The following COL11A1 variants were observed in gnomAD, a reference collection of about 807,000 sequenced individuals.
COL11A1 encodes the protein collagen type XI alpha 1 chain, also known as collagen alpha-1(XI) chain.
Under a neutral mutation model 265.2 loss-of-function variants are expected in COL11A1, and 74 were observed. The observed-to-expected ratio is 0.28, with a 90% CI of 0.23 to 0.34. The LOEUF is 0.34. Ranked by LOEUF, COL11A1 falls within the 10% of genes least tolerant of loss-of-function variation. COL11A1 has a pLI of 1.00. For missense variants in COL11A1, 2,165 were observed against 2,263.6 expected (o/e 0.96, Z 0.88); for synonymous variants, 816 against 727.6 (o/e 1.12, Z -1.96).
intron 4 of COL11A1, among the ~76,000 whole-genome samples, chr1:103,046,503 T>C (rs1274786332): frequency 6.6e-6 from 1 of 151,866 alleles, no homozygotes; most frequent in Non-Finnish European, 1.5e-5. Flanking sequence ...TTCTGGATAT[T>C]AGCCCTTTGT....
intron 30 of COL11A1, among the ~76,000 whole-genome samples, chr1:102,986,319 A>T (rs1256349869): frequency 6.6e-6 from 1 of 150,426 alleles, no homozygotes; most frequent in African/African-American, 2.4e-5. Context: ...AAGGACAAAA[A>T]ACCAAGCACC....
At chr1:103,053,625 A>C (rs1461825595) in intron 4 of COL11A1, among the ~76,000 whole-genome samples, 2 of 152,214 alleles carry the variant, frequency 1.3e-5, no homozygotes, top group Non-Finnish European at 2.9e-5. Flanking sequence ...TGCGCTTTTG[A>C]GTCTTGGCTA....
intron 1 of COL11A1, among the ~76,000 whole-genome samples, chr1:103,105,215 A>C (rs1292653483): frequency 1.3e-5 from 2 of 152,106 alleles, no homozygotes; most frequent in African/African-American, 2.4e-5. Context: ...TGTGAATAGT[A>C]AGTAATGGAC....
chr1:103,097,856 A>C (rs1558053719), intron 1 of COL11A1, among the ~76,000 whole-genome samples: 1 of 151,970 alleles, frequency 6.6e-6, no homozygotes. Context: ...ACAGCACTTA[A>C]CACAGTGATT....
intron 1 of COL11A1, 25 bp downstream of exon 1, chr1:103,108,048 C>G: frequency 6.3e-7 from 1 of 1,584,670 alleles, no homozygotes; most frequent in Non-Finnish European, 8.7e-7. Flanking sequence ...CAATCTCCCA[C>G]CTCCCCAAAT....
chr1:102,991,673 A>G (rs12756627), intron 28 of COL11A1, among the ~76,000 whole-genome samples: 3,676 of 152,274 alleles, frequency 0.024, 62 homozygotes, highest in Middle Eastern at 0.092. Flanking sequence ...AGTAACCACA[A>G]TGTTCAATAA....
chr1:103,001,371 G>A, intron 24 of COL11A1: 3 of 396,586 alleles, frequency 7.6e-6, no homozygotes, highest in East Asian at 3.6e-5. Flanking sequence ...ATAGAAATGT[G>A]CTATGACTAC....
At chr1:103,063,453 A>G (rs12723432) in intron 4 of COL11A1, among the ~76,000 whole-genome samples, 5,744 of 152,266 alleles carry the variant, frequency 0.038, 126 homozygotes, top group Middle Eastern at 0.092. Flanking sequence ...GGAGCAAATG[A>G]AATACAATGG....
In COL11A1 at chr1:102,928,004, CT is replaced by C. The variant is rs1342861757; in HGVS notation, c.3601-4616del. Among the ~76,000 whole-genome samples the C allele has an allele frequency of 2.6e-5, 4 of 152,202 alleles. No homozygotes were observed. In the East Asian group the frequency reaches 7.8e-4, roughly 30 times the overall value. Reference sequence around the variant, plus strand: ...AGCGAAAGTGTCTCCAGATCCGCCCCTGTCTGCCTGGGACTTCGTGTTCCTC... The same window carrying C: ...AGCGAAAGTGTCTCCAGATCCGCCCCGTCTGCCTGGGACTTCGTGTTCCTC... On this transcript the variant is annotated intron_variant, in intron 46 of 66. Coordinates refer to ENST00000370096, the MANE Select transcript of COL11A1 (RefSeq NM_001854.4).
At chr1:102,888,148 C>G (rs1651241655) in intron 62 of COL11A1, among the ~76,000 whole-genome samples, 1 of 152,048 alleles carries the variant, frequency 6.6e-6, no homozygotes, top group African/African-American at 2.4e-5. Context: ...TATGTGAAGC[C>G]TAGAACATTT....
intron 49 of COL11A1, among the ~76,000 whole-genome samples, chr1:102,918,604 C>A (rs68056750): frequency 1.7e-5 from 2 of 119,656 alleles, no homozygotes; most frequent in Admixed American, 8.7e-5. Context: ...AACAAACAAA[C>A]AAAAAAATGA....
chr1:103,080,512 T>A (rs780352004), intron 2 of COL11A1, among the ~76,000 whole-genome samples: 17 of 151,738 alleles, frequency 1.1e-4, no homozygotes, highest in Admixed American at 2.0e-4. Context: ...GGACAAGATG[T>A]CTGAATAAAC....
At chr1:103,106,913 G>T (rs926300534) in intron 1 of COL11A1, among the ~76,000 whole-genome samples, 1 of 152,070 alleles carries the variant, frequency 6.6e-6, no homozygotes, top group Non-Finnish European at 1.5e-5. Flanking sequence ...ACGCATTTGG[G>T]CTTGACCATT....
At chr1:103,078,626 T>G (rs748024811) in intron 3 of COL11A1, 32 bp downstream of exon 3, 1 of 1,582,082 alleles carries the variant, frequency 6.3e-7, no homozygotes. Flanking sequence ...GATTTTGGCA[T>G]AGCTAAAACA....
intron 2 of COL11A1, among the ~76,000 whole-genome samples, chr1:103,080,254 T>C (rs1167419821): frequency 6.6e-6 from 1 of 151,862 alleles, no homozygotes; most frequent in Non-Finnish European, 1.5e-5. Context: ...CAGTACAGTA[T>C]CTCAATTGAA....
chr1:103,031,732 T>G (rs1267634044), intron 4 of COL11A1, among the ~76,000 whole-genome samples: 1 of 151,936 alleles, frequency 6.6e-6, no homozygotes, highest in African/African-American at 2.4e-5. Context: ...ACTATTATGT[T>G]CTGTTAGAAA....
intron 1 of COL11A1, among the ~76,000 whole-genome samples, chr1:103,104,801 A>G (rs758425453): frequency 6.6e-6 from 1 of 152,184 alleles, no homozygotes; most frequent in East Asian, 1.9e-4. Flanking sequence ...CAAACACTGC[A>G]TTTCTTATCA....
chr1:103,105,463 C>A (rs564468075), intron 1 of COL11A1, among the ~76,000 whole-genome samples: 81 of 152,106 alleles, frequency 5.3e-4, no homozygotes, highest in African/African-American at 1.9e-3. Flanking sequence ...CATAAATTTT[C>A]TTTAATCCAT....
rs181455919 is a variant in COL11A1, at chr1:102,949,875, G to T, written c.3169-2919C>A. Among the ~76,000 whole-genome samples the T allele has an allele frequency of 1.9e-3, 292 of 152,220 alleles. 3 individuals are homozygous for T. The highest frequency in any genetic ancestry group is 6.6e-3 in the African/African-American group (276 of 41,538). The stretch of plus-strand genomic sequence containing the variant: ...CTTCTACCAAAACAAGCTCATTTTG[G>T]TTGAACATTGTGTAAAACAAACAAA... On this transcript the variant is annotated intron_variant, in intron 41 of 66. Coordinates refer to ENST00000370096, the MANE Select transcript of COL11A1 (RefSeq NM_001854.4).
Sources: allele counts gnomAD v4.1 joint callset (sites outside exome capture counted in the v4.1 genomes callset), GRCh38; gene constraint gnomAD v4.1.1; transcripts MANE v1.5; gene names NCBI Gene and HGNC (gene_info 2026-07-23, HGNC 2026-07-21).